Variants in CNR2 observed in about 807,000 individuals in gnomAD.
CNR2 encodes the protein cannabinoid receptor 2 (macrophage).
For synonymous variants in CNR2, 172 were observed against 182.2 expected, an observed-to-expected ratio of 0.94 and a Z score of 0.45; for missense variants, 379 against 439.9, an observed-to-expected ratio of 0.86 and a Z score of 1.24.
intron 1 of CNR2, among the ~76,000 whole-genome samples, chr1:23,903,912 G>C (rs1210563670): frequency 6.6e-6 from 1 of 152,204 alleles, no homozygotes; most frequent in Non-Finnish European, 1.5e-5. Flanking sequence ...ACCCAAACCT[G>C]TGCCCAGGTC....
In CNR2 at chr1:23,907,373, A is replaced by G. The variant is rs571419091; in HGVS notation, c.-46+5873T>C. Among the ~76,000 whole-genome samples, 14 of 144,292 alleles carry G rather than the reference A, an allele frequency of 9.7e-5. No homozygotes were observed. In the South Asian group the frequency reaches 1.4e-3, roughly 14 times the overall value. The allele number at this position is 144,292 out of a possible 152,430, so 94.7% of individuals were successfully genotyped here. Reference sequence around the variant, plus strand: ...TGCAGTGAGCCGAGATCGCGCCACTATGCTCCAGCCTGGTGACAGAGGGAG... The same window carrying G: ...TGCAGTGAGCCGAGATCGCGCCACTGTGCTCCAGCCTGGTGACAGAGGGAG... On this transcript the variant is annotated intron_variant, in intron 1 of 1. Coordinates refer to ENST00000374472, the MANE Select transcript of CNR2 (RefSeq NM_001841.3).
Position 23,875,579 on chromosome 1 carries a change from G to A in CNR2, c.39C>T (p.Ser13=). The change falls in exon 2 of 2, where the codon TCC becomes TCT. Residue 13 remains serine, a synonymous_variant. Coordinates refer to ENST00000374472, the MANE Select transcript of CNR2 (RefSeq NM_001841.3). ...TAGGGTTGGAATCCAAGCCATCCTT[G>A]GAGCCATTGGCTATCTCTGTCACCC... ...ECWVTEIANG[S]KDGLDSNPMK... 6.2e-7 allele frequency: 1 copy of A among 1,611,438 alleles called. No homozygotes were observed. Among genetic ancestry groups the A allele is most frequent in the Non-Finnish European group, 8.5e-7 (1 of 1,178,216 alleles).
intron 1 of CNR2, among the ~76,000 whole-genome samples, chr1:23,886,553 G>C (rs1640093274): frequency 6.6e-6 from 1 of 152,222 alleles, no homozygotes; most frequent in Admixed American, 6.5e-5. Context: ...CCCAAAGCCA[G>C]CCACCGCCAC....
Position 23,874,697 on chromosome 1 carries a change from G to C in CNR2, c.921C>G (p.Arg307=), listed in dbSNP as rs563535687. ...VIYALRSGEI[R]SSAHHCLAHW... is the part of the protein sequence containing the mutation. Reference sequence around the variant, plus strand: ...GAGCCAGGCAGTGATGGGCAGAGGAGCGGATCTCTCCACTCCGTAGAGCAT... The same window carrying C: ...GAGCCAGGCAGTGATGGGCAGAGGACCGGATCTCTCCACTCCGTAGAGCAT... The change falls in exon 2 of 2, where the codon CGC becomes CGG. Residue 307 remains arginine (R), a synonymous_variant. Transcript: ENST00000374472. 25 of 1,614,078 alleles carry C rather than the reference G, an allele frequency of 1.5e-5. No individual in the cohort carries two copies. Among genetic ancestry groups the C allele is most frequent in the Non-Finnish European group, 2.0e-5 (24 of 1,180,046 alleles).
intron 1 of CNR2, among the ~76,000 whole-genome samples, chr1:23,908,936 G>T (rs1230688409): frequency 6.6e-6 from 1 of 152,126 alleles, no homozygotes; most frequent in Non-Finnish European, 1.5e-5. Flanking sequence ...GTGGGGTGGT[G>T]GGGGTGAGGG....
rs1640418936 is a variant in CNR2, at chr1:23,902,597, A to G, written c.-46+10649T>C. The G allele has an allele frequency of 8.7e-6, 14 of 1,605,402 alleles. No homozygotes were observed. The South Asian group carries it at 1.1e-4, about 13-fold the overall frequency. Reference sequence around the variant, plus strand: ...CCGCCAGGTCCCAGTAGAACATGGCATAGAAGACGGAGCTGCAGACAGCCA... The same window carrying G: ...CCGCCAGGTCCCAGTAGAACATGGCGTAGAAGACGGAGCTGCAGACAGCCA... On this transcript the variant is annotated intron_variant, in intron 1 of 1. Transcript: ENST00000374472.
intron 1 of CNR2, among the ~76,000 whole-genome samples, chr1:23,887,296 T>C (rs1640108827): frequency 6.6e-6 from 1 of 152,132 alleles, no homozygotes; most frequent in African/African-American, 2.4e-5. Flanking sequence ...AGAGGATCCC[T>C]GCAACCCTGC....
At chr1:23,908,191 G>C (rs920613203) in intron 1 of CNR2, among the ~76,000 whole-genome samples, 2 of 152,106 alleles carry the variant, frequency 1.3e-5, no homozygotes. Flanking sequence ...ATGTTGGCCA[G>C]CATGGTCTCG....
At chr1:23,903,270 C>G (rs1341763416) in intron 1 of CNR2, among the ~76,000 whole-genome samples, 1 of 152,146 alleles carries the variant, frequency 6.6e-6, no homozygotes, top group Non-Finnish European at 1.5e-5. Flanking sequence ...GGAGGGTAAC[C>G]TGCTTTCTAA....
intron 1 of CNR2, among the ~76,000 whole-genome samples, chr1:23,892,291 AG>A (rs1223147118): frequency 6.6e-6 from 1 of 152,104 alleles, no homozygotes; most frequent in Non-Finnish European, 1.5e-5. Flanking sequence ...AAATCTCTCT[AG>A]TGATATAGGT....
chr1:23,885,844 C>G (rs1327329699), intron 1 of CNR2, among the ~76,000 whole-genome samples: 1 of 149,558 alleles, frequency 6.7e-6, no homozygotes, highest in East Asian at 2.0e-4. Flanking sequence ...CGCCACTGTA[C>G]TGCAGCCTGG....
chr1:23,877,584 G>C (rs1273528056), intron 1 of CNR2, among the ~76,000 whole-genome samples: 1 of 151,898 alleles, frequency 6.6e-6, no homozygotes, highest in South Asian at 2.1e-4. Context: ...GCAGTGAGCC[G>C]AGAGCCGAGA....
intron 1 of CNR2, among the ~76,000 whole-genome samples, chr1:23,894,067 C>T (rs1438564019): frequency 6.6e-6 from 1 of 151,772 alleles, no homozygotes; most frequent in Non-Finnish European, 1.5e-5. Flanking sequence ...CTGCAGTGAG[C>T]CGTGATCACA....
At chr1:23,880,915 A>G (rs1177782715) in intron 1 of CNR2, among the ~76,000 whole-genome samples, 1 of 149,716 alleles carries the variant, frequency 6.7e-6, no homozygotes, top group Non-Finnish European at 1.5e-5. Flanking sequence ...ATAATTATAA[A>G]TATAAATTAA....
chr1:23,898,089 C>CAT (rs2148467387), intron 1 of CNR2, among the ~76,000 whole-genome samples: 1 of 144,788 alleles, frequency 6.9e-6, no homozygotes, highest in East Asian at 2.1e-4. Context: ...TGCAGTGGTG[C>CAT]GATCTTGGCT....
intron 1 of CNR2, among the ~76,000 whole-genome samples, chr1:23,905,827 G>C (rs1458135218): frequency 6.6e-6 from 1 of 152,160 alleles, no homozygotes; most frequent in African/African-American, 2.4e-5. Context: ...GTGCATTTGT[G>C]CATCTGTTGG....
At chr1:23,894,087 T>A (rs1174472693) in intron 1 of CNR2, among the ~76,000 whole-genome samples, 2 of 149,590 alleles carry the variant, frequency 1.3e-5, no homozygotes, top group African/African-American at 4.9e-5. Context: ...ACCACTGCAC[T>A]CTAGCCTGAG....
rs1391802314 is a variant in CNR2, at chr1:23,872,062, G to A, written c.*2473C>T. The A allele has an allele frequency of 2.0e-5, 3 of 149,492 alleles. No homozygotes were observed. The highest frequency in any genetic ancestry group is 7.5e-5 in the African/African-American group (3 of 40,192). The allele number at this position is 149,492 out of a possible 1,614,324, so 9.3% of individuals were successfully genotyped here. A position where few individuals can be genotyped will look rare whatever the true frequency, so the allele number is the denominator to read the frequency against. ...GCAGGAGAATCACTTGAACCTGAGAGGTGGAGGTTGCAGTGAGCCAAGATC... is the reference window on the plus strand; with the variant it reads ...GCAGGAGAATCACTTGAACCTGAGAAGTGGAGGTTGCAGTGAGCCAAGATC... On this transcript the variant is annotated 3_prime_UTR_variant, in exon 2 of 2. Coordinates refer to ENST00000374472, the MANE Select transcript of CNR2 (RefSeq NM_001841.3).
chr1:23,872,079 G>A lies in CNR2; in HGVS notation c.*2456C>T, dbSNP rs535381943. On this transcript the variant is annotated 3_prime_UTR_variant, in exon 2 of 2. Coordinates refer to ENST00000374472, the MANE Select transcript of CNR2 (RefSeq NM_001841.3). ...ACCTGAGAGGTGGAGGTTGCAGTGA[G>A]CCAAGATCATGTCACTGCACTCCTG... 1 of 121,872 alleles carries A rather than the reference G, an allele frequency of 8.2e-6. No homozygotes were observed. Among genetic ancestry groups the A allele is most frequent in the East Asian group, 2.7e-4 (1 of 3,642 alleles). The allele number at this position is 121,872 out of a possible 1,614,324, so 7.5% of individuals were successfully genotyped here.
Sources: gnomAD v4.1 joint callset for allele counts (sites outside exome capture counted in the v4.1 genomes callset) on GRCh38, gnomAD v4.1.1 for gene constraint, MANE v1.5 for transcripts, NCBI Gene and HGNC (gene_info 2026-07-23, HGNC 2026-07-21) for gene names.